Variants in PTBP3 observed in about 807,000 individuals in gnomAD.
PTBP3 encodes polypyrimidine tract-binding protein 3.
In PTBP3, 20 loss-of-function variants were observed where a neutral mutation model predicts 58.7. The observed-to-expected ratio is 0.34, with a 90% confidence interval of 0.24 to 0.50. PTBP3 has a LOEUF of 0.50. Ranked by LOEUF, PTBP3 falls within the 20% of genes least tolerant of loss-of-function variation. The pLI is 0.98. For missense variants in PTBP3, 509 were observed against 637.2 expected, an observed-to-expected ratio of 0.80 and a Z score of 2.17; for synonymous variants, 185 against 219.8, an observed-to-expected ratio of 0.84 and a Z score of 1.40.
intron 1 of PTBP3, among the ~76,000 whole-genome samples, chr9:112,320,311 T>TAC (rs1829883734): frequency 1.9e-5 from 1 of 51,774 alleles, no homozygotes; most frequent in African/African-American, 1.3e-4. Context: ...TATATATATA[T>TAC]ATATTTTTTT....
chr9:112,356,057 TTCTC>T, the PTBP3 span, among the ~76,000 whole-genome samples: 9 of 148,446 alleles, frequency 6.1e-5, no homozygotes, highest in East Asian at 1.4e-3. Flanking sequence ...CTCCCTCCCT[TTCTC>T]TCTCTCTCTC....
At chr9:112,261,822 G>C (rs375836132) in intron 5 of PTBP3, among the ~76,000 whole-genome samples, 1 of 152,078 alleles carries the variant, frequency 6.6e-6, no homozygotes, top group African/African-American at 2.4e-5. Flanking sequence ...CTTCAATTAC[G>C]CTCTACAATA....
chr9:112,270,030 C>T (rs1000377659), intron 3 of PTBP3, among the ~76,000 whole-genome samples: 4 of 151,774 alleles, frequency 2.6e-5, no homozygotes, highest in Admixed American at 6.6e-5. Context: ...CTATACCCTC[C>T]GTCTCCTGGG....
intron 1 of PTBP3, among the ~76,000 whole-genome samples, chr9:112,326,606 C>T (rs1412556503): frequency 6.6e-6 from 1 of 152,188 alleles, no homozygotes. Context: ...GTTTTTCATA[C>T]TCATCTACTC....
the PTBP3 span, among the ~76,000 whole-genome samples, chr9:112,360,763 A>C: frequency 1.3e-5 from 2 of 152,216 alleles, no homozygotes; most frequent in Non-Finnish European, 2.9e-5. Flanking sequence ...AAACTTATTT[A>C]GTAGGTTAGA....
chr9:112,331,816 G>GTT (rs1164417648), intron 1 of PTBP3, among the ~76,000 whole-genome samples: 1 of 152,154 alleles, frequency 6.6e-6, no homozygotes, highest in Non-Finnish European at 1.5e-5. Context: ...CTATCAAAAA[G>GTT]TAAGTTTGCA....
chr9:112,217,965 T>A (rs1834678186), downstream of PTBP3: 3 of 152,238 alleles, frequency 2.0e-5, no homozygotes, highest in South Asian at 6.2e-4. Context: ...GCTACCTTTT[T>A]AAAGAGGACA....
At chr9:112,375,587 C>T in the PTBP3 span, among the ~76,000 whole-genome samples, 1,743 of 152,290 alleles carry the variant, frequency 0.011, 35 homozygotes, top group African/African-American at 0.04. Flanking sequence ...CCCCATGAGG[C>T]CACTGGTGCA....
At chr9:112,371,789 A>AGTG in the PTBP3 span, among the ~76,000 whole-genome samples, 2 of 151,782 alleles carry the variant, frequency 1.3e-5, no homozygotes, top group African/African-American at 4.8e-5. Context: ...GCTAGAGTGC[A>AGTG]GTGGCATGAT....
In PTBP3 at chr9:112,320,314, A is replaced by ATATATATATATATT; in HGVS notation, c.-52+13155_-52+13156insAATATATATATATA. 9.7e-3 allele frequency among the ~76,000 whole-genome samples: 731 copies of ATATATATATATATT among 75,570 alleles called. 6 individuals carry two copies. The highest frequency in any genetic ancestry group is 0.013 in the Non-Finnish European group (554 of 43,490). 49.6% of individuals were successfully genotyped at this position (75,570 alleles called of 152,430 possible). On this transcript the variant is annotated intron_variant, in intron 1 of 13. Transcript: ENST00000374257. ...AAAATATATATATATATATATATAT[A>ATATATATATATATT]TTTTTTTTTAAGTGTTATCACCAGA...
chr9:112,259,190 T>C (rs1385349385), intron 5 of PTBP3, among the ~76,000 whole-genome samples: 1 of 152,134 alleles, frequency 6.6e-6, no homozygotes, highest in African/African-American at 2.4e-5. Flanking sequence ...TGAGCTCAGA[T>C]GATCCATTGG....
Position 112,223,517 on chromosome 9 carries a change from T to G in PTBP3, c.*334A>C, listed in dbSNP as rs1222177099. ...TGAGTTTAGAAATGTTGTATAAGGC[T>G]GATCTGGACCCAAACTAAAACAACG... On this transcript the variant is annotated 3_prime_UTR_variant, in exon 14 of 14. Coordinates refer to ENST00000374257, the MANE Select transcript of PTBP3 (RefSeq NM_001163788.4). 1.1e-6 allele frequency: 1 copy of G among 946,310 alleles called. No homozygotes were observed. The highest frequency in any genetic ancestry group is 3.9e-5 in the South Asian group (1 of 25,464). The allele number at this position is 946,310 out of a possible 1,614,324, so 58.6% of individuals were successfully genotyped here.
intron 1 of PTBP3, among the ~76,000 whole-genome samples, chr9:112,313,258 G>A (rs1236419815): frequency 1.3e-5 from 2 of 152,140 alleles, no homozygotes; most frequent in Non-Finnish European, 1.5e-5. Flanking sequence ...GGGCTGGACT[G>A]CAGTGATGTA....
intron 2 of PTBP3, among the ~76,000 whole-genome samples, chr9:112,291,460 T>C (rs1050737384): frequency 3.3e-5 from 5 of 152,122 alleles, no homozygotes; most frequent in Non-Finnish European, 5.9e-5. Context: ...ATTTCCTAAC[T>C]TCTACACATT....
At chr9:112,289,498 G>A (rs1188911267) in intron 2 of PTBP3, among the ~76,000 whole-genome samples, 2 of 152,094 alleles carry the variant, frequency 1.3e-5, no homozygotes, top group African/African-American at 4.8e-5. Flanking sequence ...AAGTACCAGG[G>A]GGCCAGGCGC....
chr9:112,354,308 G>C, the PTBP3 span, among the ~76,000 whole-genome samples: 11 of 152,154 alleles, frequency 7.2e-5, no homozygotes, highest in Non-Finnish European at 1.5e-4. Flanking sequence ...TTGTTCTCCC[G>C]TATCAATATG....
At chr9:112,347,954 T>TA in the PTBP3 span, among the ~76,000 whole-genome samples, 1 of 152,210 alleles carries the variant, frequency 6.6e-6, no homozygotes, top group Admixed American at 6.5e-5. Context: ...TGCACACACA[T>TA]ATCCACAAAA....
intron 4 of PTBP3, among the ~76,000 whole-genome samples, chr9:112,265,582 T>C (rs1836768217): frequency 6.6e-6 from 1 of 151,996 alleles, no homozygotes; most frequent in Non-Finnish European, 1.5e-5. Context: ...GACGTGGAAA[T>C]GGAATCCAAG....
At chr9:112,365,791 G>C in the PTBP3 span, among the ~76,000 whole-genome samples, 1 of 152,164 alleles carries the variant, frequency 6.6e-6, no homozygotes. Context: ...TCAAAATGCT[G>C]ATAATGATAT....
Sources: gnomAD v4.1 joint callset for allele counts (sites outside exome capture counted in the v4.1 genomes callset) on GRCh38, gnomAD v4.1.1 for gene constraint, MANE v1.5 for transcripts, NCBI Gene and HGNC (gene_info 2026-07-23, HGNC 2026-07-21) for gene names.